Variants in SH3GL3 observed in about 807,000 individuals in gnomAD.
SH3GL3 encodes the protein SH3 domain containing GRB2 like 3, endophilin A3, also known as endophilin-A3.
In SH3GL3, 33 loss-of-function variants were observed where a neutral mutation model predicts 47.7. That is an observed-to-expected ratio of 0.69 (90% confidence interval 0.52 to 0.92). SH3GL3 has a LOEUF of 0.92. Among genes scored for constraint, SH3GL3 ranks in the 40% least tolerant of loss-of-function variants. The pLI is 0.00. For synonymous variants in SH3GL3, 155 were observed against 148.8 expected (o/e 1.04, Z -0.30); for missense variants, 363 against 417.8 (o/e 0.87, Z 1.14).
At chr15:83,538,655 A>G (rs371497936) in intron 1 of SH3GL3, among the ~76,000 whole-genome samples, 2 of 152,180 alleles carry the variant, frequency 1.3e-5, no homozygotes, top group Non-Finnish European at 2.9e-5. Flanking sequence ...TCTTTCATTC[A>G]ATGTTATGTC....
chr15:83,510,299 T>A (rs1406949593), intron 1 of SH3GL3, among the ~76,000 whole-genome samples: 1 of 152,188 alleles, frequency 6.6e-6, no homozygotes, highest in Non-Finnish European at 1.5e-5. Flanking sequence ...ACGTCTTTGT[T>A]CATGGAAGAG....
At chr15:83,459,768 A>T (rs1458326025) in intron 1 of SH3GL3, among the ~76,000 whole-genome samples, 1 of 152,162 alleles carries the variant, frequency 6.6e-6, no homozygotes, top group Non-Finnish European at 1.5e-5. Flanking sequence ...AGCTTTCCAG[A>T]GTCATATCTC....
At chr15:83,468,022 G>T (rs2151523838) in intron 1 of SH3GL3, among the ~76,000 whole-genome samples, 1 of 152,202 alleles carries the variant, frequency 6.6e-6, no homozygotes, top group African/African-American at 2.4e-5. Flanking sequence ...AGTAGAGACA[G>T]GGTTTCACCA....
At chr15:83,477,630 G>A (rs749081010) in intron 1 of SH3GL3, among the ~76,000 whole-genome samples, 11 of 152,158 alleles carry the variant, frequency 7.2e-5, no homozygotes, top group Non-Finnish European at 1.3e-4. Context: ...TGGAGCAGGC[G>A]TGGACCATAT....
intron 1 of SH3GL3, among the ~76,000 whole-genome samples, chr15:83,465,786 G>T (rs1193986673): frequency 1.3e-5 from 2 of 151,854 alleles, no homozygotes; most frequent in Non-Finnish European, 2.9e-5. Flanking sequence ...CAATATAATT[G>T]TGTTCCTTTA....
chr15:83,479,150 T>C (rs2041227528), intron 1 of SH3GL3, among the ~76,000 whole-genome samples: 1 of 152,212 alleles, frequency 6.6e-6, no homozygotes, highest in Non-Finnish European at 1.5e-5. Context: ...TTTTCAGCCT[T>C]CAAAGGCTGA....
intron 1 of SH3GL3, among the ~76,000 whole-genome samples, chr15:83,529,990 G>A (rs931612428): frequency 5.3e-5 from 8 of 152,070 alleles, no homozygotes; most frequent in African/African-American, 1.9e-4. Flanking sequence ...CTGTGGTGTG[G>A]GACTCTTGAG....
At chr15:83,582,176 A>G (rs1471403446) in intron 6 of SH3GL3, among the ~76,000 whole-genome samples, 2 of 152,228 alleles carry the variant, frequency 1.3e-5, no homozygotes, top group Non-Finnish European at 2.9e-5. Flanking sequence ...TTTATTCCTC[A>G]TTATTCCTCA....
Position 83,551,535 on chromosome 15 carries a change from C to G in SH3GL3, c.46-7718C>G, listed in dbSNP as rs573582341. Reference sequence around the variant, plus strand: ...TCAAACTATGTGTCCCCTGTCATCGCCTAACCGATCTGCCTGTCCACCTTC... The same window carrying G: ...TCAAACTATGTGTCCCCTGTCATCGGCTAACCGATCTGCCTGTCCACCTTC... On this transcript the variant is annotated intron_variant, in intron 1 of 8. Transcript: ENST00000427482. Among the ~76,000 whole-genome samples, 16 of 152,314 alleles carry G rather than the reference C, an allele frequency of 1.1e-4. 1 individual carries two copies. Among genetic ancestry groups the G allele is most frequent in the South Asian group, 1.0e-3 (5 of 4,828 alleles).
At chr15:83,613,243 G>T (rs2060719085) in intron 8 of SH3GL3, among the ~76,000 whole-genome samples, 2 of 152,216 alleles carry the variant, frequency 1.3e-5, no homozygotes, top group South Asian at 4.1e-4. Flanking sequence ...AGGGCCAGGT[G>T]CACTTGTACT....
At chr15:83,631,262 G>A in the SH3GL3 span, among the ~76,000 whole-genome samples, 1 of 152,318 alleles carries the variant, frequency 6.6e-6, no homozygotes, top group East Asian at 1.9e-4. Flanking sequence ...TACTTTCACA[G>A]TTGGCATTGA....
At chr15:83,599,104 A>G (rs2060312691) in intron 8 of SH3GL3, among the ~76,000 whole-genome samples, 1 of 152,004 alleles carries the variant, frequency 6.6e-6, no homozygotes, top group South Asian at 2.1e-4. Flanking sequence ...CTTCTTATTT[A>G]CTTATTTTTT....
At chr15:83,559,345 T>C (rs1465837050) in intron 2 of SH3GL3, 24 bp downstream of exon 2, 1 of 1,281,654 alleles carries the variant, frequency 7.8e-7, no homozygotes, top group East Asian at 2.3e-5. Context: ...AATATGTAAA[T>C]TGATTAGAAA....
chr15:83,535,585 C>T (rs950863936), intron 1 of SH3GL3, among the ~76,000 whole-genome samples: 1 of 152,162 alleles, frequency 6.6e-6, no homozygotes, highest in Non-Finnish European at 1.5e-5. Context: ...GTCTGGTCCC[C>T]AGACACTGTT....
intron 8 of SH3GL3, among the ~76,000 whole-genome samples, chr15:83,615,992 A>G (rs1715594619): frequency 6.6e-6 from 1 of 152,156 alleles, no homozygotes; most frequent in Non-Finnish European, 1.5e-5. Context: ...TATACTCTTC[A>G]ATTTGTGCAT....
intron 1 of SH3GL3, among the ~76,000 whole-genome samples, chr15:83,538,144 A>T (rs554794042): frequency 6.6e-6 from 1 of 152,256 alleles, no homozygotes; most frequent in African/African-American, 2.4e-5. Flanking sequence ...AGTATAGGTT[A>T]TTAGACTCTG....
At chr15:83,570,933 G>A (rs955130841) in intron 4 of SH3GL3, among the ~76,000 whole-genome samples, 4 of 152,200 alleles carry the variant, frequency 2.6e-5, no homozygotes, top group East Asian at 1.9e-4. Flanking sequence ...CACTCCTGCC[G>A]TGCATCTGGC....
chr15:83,511,422 A>T (rs2042743216), intron 1 of SH3GL3, among the ~76,000 whole-genome samples: 1 of 152,220 alleles, frequency 6.6e-6, no homozygotes, highest in East Asian at 1.9e-4. Flanking sequence ...AAGGAAAAAA[A>T]GTAAATTTCC....
intron 6 of SH3GL3, among the ~76,000 whole-genome samples, chr15:83,586,190 C>T (rs758278380): frequency 6.6e-6 from 1 of 152,206 alleles, no homozygotes. Context: ...CTTAATTAAT[C>T]TCTTTCCTGT....
Sources: gnomAD v4.1 joint callset for allele counts (sites outside exome capture counted in the v4.1 genomes callset) on GRCh38, gnomAD v4.1.1 for gene constraint, MANE v1.5 for transcripts, NCBI Gene and HGNC (gene_info 2026-07-23, HGNC 2026-07-21) for gene names.